The following LRP1B variants were observed in gnomAD, a reference collection of about 807,000 sequenced individuals.
The protein encoded by LRP1B is low-density lipoprotein receptor-related protein 1B.
In LRP1B, 217 loss-of-function variants were observed where a neutral mutation model predicts 556.6. The ratio of observed to expected loss-of-function variants is 0.39; its 90% CI spans 0.35 to 0.44. The LOEUF (loss-of-function observed/expected upper bound fraction) is 0.44. LRP1B is among the 20% of genes least tolerant of loss of function. The pLI is 1.00. For missense variants in LRP1B, 5,053 were observed against 5,620.8 expected, an observed-to-expected ratio of 0.90 and a Z score of 3.23; for synonymous variants, 2,047 against 1,865.8, an observed-to-expected ratio of 1.10 and a Z score of -2.50.
chr2:140,789,412 G>A (rs891013942), intron 32 of LRP1B, among the ~76,000 whole-genome samples: 7 of 152,016 alleles, frequency 4.6e-5, no homozygotes, highest in African/African-American at 1.7e-4. Context: ...ACACAGTGCT[G>A]AATACTCCTT....
chr2:141,874,202 A>G (rs989774043), intron 1 of LRP1B, among the ~76,000 whole-genome samples: 8 of 149,030 alleles, frequency 5.4e-5, no homozygotes, highest in Admixed American at 1.4e-4. Context: ...ACCAGCTGGC[A>G]TACATTTCAC....
chr2:140,457,680 T>G, intron 60 of LRP1B, 29 bp from the exon 61 acceptor site: 1 of 1,565,020 alleles, frequency 6.4e-7, no homozygotes, highest in Non-Finnish European at 8.8e-7. Context: ...AGATTAATGT[T>G]CAGTCTTGGA....
At chr2:142,010,554 C>CAAAAAAAAAAAA (rs33927334) in intron 1 of LRP1B, among the ~76,000 whole-genome samples, 4 of 60,234 alleles carry the variant, frequency 6.6e-5, no homozygotes, top group African/African-American at 6.5e-5. Context: ...GATTCTGTCT[C>CAAAAAAAAAAAA]AAAAAAAAAA....
chr2:140,354,754 C>G, intron 75 of LRP1B, among the ~76,000 whole-genome samples: 1 of 151,958 alleles, frequency 6.6e-6, no homozygotes, highest in East Asian at 1.9e-4. Flanking sequence ...TCCACACATG[C>G]CTAGTACCCA....
intron 1 of LRP1B, among the ~76,000 whole-genome samples, chr2:142,108,243 C>G (rs986624184): frequency 6.6e-6 from 1 of 151,902 alleles, no homozygotes; most frequent in Admixed American, 6.6e-5. Context: ...TGAAATAAAT[C>G]TTTCCTATGA....
At chr2:140,721,913 A>C (rs1467744630) in intron 35 of LRP1B, among the ~76,000 whole-genome samples, 19 of 151,890 alleles carry the variant, frequency 1.3e-4, no homozygotes, top group Admixed American at 8.5e-4. Flanking sequence ...TATAAATTTT[A>C]AGTGTACAGT....
chr2:141,791,608 GA>G (rs1215260626), intron 2 of LRP1B, among the ~76,000 whole-genome samples: 1 of 151,888 alleles, frequency 6.6e-6, no homozygotes, highest in Non-Finnish European at 1.5e-5. Context: ...GCACATTTAG[GA>G]AAATTCCAAA....
chr2:141,359,791 A>T (rs1688755646), intron 3 of LRP1B, among the ~76,000 whole-genome samples: 1 of 148,756 alleles, frequency 6.7e-6, no homozygotes, highest in Admixed American at 6.7e-5. Context: ...CCCCCCAAAA[A>T]GTACATAACT....
intron 3 of LRP1B, among the ~76,000 whole-genome samples, chr2:141,379,808 T>C (rs1281836096): frequency 1.3e-5 from 2 of 152,058 alleles, no homozygotes; most frequent in Admixed American, 6.6e-5. Flanking sequence ...GCCACAGCTT[T>C]TCCCCCTAGG....
intron 3 of LRP1B, among the ~76,000 whole-genome samples, chr2:141,308,889 A>C (rs920658865): frequency 2.0e-5 from 3 of 152,168 alleles, no homozygotes; most frequent in African/African-American, 7.2e-5. Context: ...TTTATTACAT[A>C]GTATTTGCAA....
intron 25 of LRP1B, among the ~76,000 whole-genome samples, chr2:140,872,688 C>T (rs1693175832): frequency 1.3e-5 from 2 of 151,748 alleles, no homozygotes; most frequent in African/African-American, 2.4e-5. Context: ...TCTAATCTTC[C>T]TCTAGCACCA....
chr2:141,616,049 C>T (rs529900887), intron 2 of LRP1B, among the ~76,000 whole-genome samples: 10 of 152,148 alleles, frequency 6.6e-5, no homozygotes, highest in Non-Finnish European at 1.5e-4. Flanking sequence ...TTTGGGAGGC[C>T]GAGATGGGCG....
At chr2:141,834,991 A>G (rs11884813) in intron 1 of LRP1B, among the ~76,000 whole-genome samples, 27,884 of 151,948 alleles carry the variant, frequency 0.18, 2,795 homozygotes, top group Admixed American at 0.27. Flanking sequence ...TCAAGGATGT[A>G]TAAAGATCAA....
chr2:141,937,384 C>G (rs890200808), intron 1 of LRP1B, among the ~76,000 whole-genome samples: 1 of 148,560 alleles, frequency 6.7e-6, no homozygotes. Flanking sequence ...GACTCCATCT[C>G]AAAAAATAAT....
At chr2:140,670,520 AG>A (rs1685440673) in intron 41 of LRP1B, among the ~76,000 whole-genome samples, 1 of 152,168 alleles carries the variant, frequency 6.6e-6, no homozygotes, top group Non-Finnish European at 1.5e-5. Context: ...TCTATTTAGG[AG>A]GCAGTGAGGT....
At position 140,447,286 on chromosome 2, in the gene LRP1B, C is replaced by T. The variant is rs562032377; in HGVS notation, c.10058-2607G>A. ...AAAGACTAAAAATGTAGTGACCATA[C>T]GGTCCAGCAATCCCACTACTAGATA... On this transcript the variant is annotated intron_variant, in intron 63 of 90. Coordinates refer to ENST00000389484, the MANE Select transcript of LRP1B (RefSeq NM_018557.3). 2.6e-5 allele frequency among the ~76,000 whole-genome samples: 4 copies of T among 152,068 alleles called. No individual in the cohort carries two copies. In the East Asian group the frequency reaches 5.8e-4, roughly 22 times the overall value.
In LRP1B at chr2:140,839,795, T is replaced by C. The variant is rs570719793; in HGVS notation, c.5209+196A>G. ...CACTTTGTATGTTCATTTATCCTAT[T>C]AGTTCTGTCCCTTTAGAGAACCTTG... On this transcript the variant is annotated intron_variant, in intron 31 of 90. Transcript: ENST00000389484. Among the ~76,000 whole-genome samples, 5 of 152,310 alleles carry C rather than the reference T, an allele frequency of 3.3e-5. No individual in the cohort carries two copies. The South Asian group carries it at 8.3e-4, about 25-fold the overall frequency.
chr2:142,102,952 T>C (rs905977958), intron 1 of LRP1B, among the ~76,000 whole-genome samples: 1 of 151,910 alleles, frequency 6.6e-6, no homozygotes, highest in African/African-American at 2.4e-5. Flanking sequence ...CTTTGTCTTC[T>C]AGGTATCACT....
At chr2:141,866,727 G>A (rs1698424811) in intron 1 of LRP1B, among the ~76,000 whole-genome samples, 1 of 151,508 alleles carries the variant, frequency 6.6e-6, no homozygotes, top group Non-Finnish European at 1.5e-5. Context: ...GGAAGAGAGG[G>A]AAAGAAAAGA....
Sources: allele counts gnomAD v4.1 joint callset (sites outside exome capture counted in the v4.1 genomes callset), GRCh38; gene constraint gnomAD v4.1.1; transcripts MANE v1.5; gene names NCBI Gene and HGNC (gene_info 2026-07-23, HGNC 2026-07-21).